CDH12: variants seen among roughly 807,000 people sequenced by gnomAD.
The protein encoded by CDH12 is cadherin-12.
Under a neutral mutation model 74.1 loss-of-function variants are expected in CDH12, and 41 were observed. The ratio of observed to expected loss-of-function variants is 0.55; its 90% confidence interval spans 0.43 to 0.72. CDH12 has a LOEUF of 0.72. Among genes scored for constraint, CDH12 ranks in the 30% least tolerant of loss-of-function variants. CDH12 has a pLI of 0.00. For synonymous variants in CDH12, 399 were observed against 355.0 expected, an observed-to-expected ratio of 1.12 and a Z score of -1.39; for missense variants, 945 against 977.2, an observed-to-expected ratio of 0.97 and a Z score of 0.44.
At chr5:22,327,692 A>G (rs1739179593) in intron 3 of CDH12, among the ~76,000 whole-genome samples, 1 of 152,080 alleles carries the variant, frequency 6.6e-6, no homozygotes. Flanking sequence ...AAGTTCTAAA[A>G]ACCTGTAACT....
Position 21,802,396 on chromosome 5 carries a change from C to A in CDH12, c.1027G>T (p.Ala343Ser), listed in dbSNP as rs2149923461. 1 of 1,613,498 alleles carries A rather than the reference C, an allele frequency of 6.2e-7. No homozygotes were observed. Residue 343 changes from alanine to serine, a missense_variant, in exon 10 of 15, where the codon GCA (alanine) becomes TCA (serine). This residue lies in a region of CDH12 where 791 missense variants were observed against 792.8 expected (regional missense o/e 1.00). Coordinates refer to ENST00000382254, the MANE Select transcript of CDH12 (RefSeq NM_004061.5). ...GAAGCCTCAACTTTGAAAGTGTATG[C>A]CTTCTTTGTTTCAAAATCTAAAGGC... Reference protein sequence around the residue: ...KKPLDFETKKAYTFKVEASNL... With the variant: ...KKPLDFETKKSYTFKVEASNL...
chr5:22,072,896 C>T (rs1742054548), intron 5 of CDH12, among the ~76,000 whole-genome samples: 1 of 152,020 alleles, frequency 6.6e-6, no homozygotes, highest in Admixed American at 6.6e-5. Flanking sequence ...TGGAGCTAGA[C>T]CACCTGGTTG....
At chr5:22,473,827 GAC>G (rs1228807114) in intron 2 of CDH12, among the ~76,000 whole-genome samples, 1 of 152,130 alleles carries the variant, frequency 6.6e-6, no homozygotes, top group African/African-American at 2.4e-5. Context: ...AAATCGGACT[GAC>G]ATTTCTCAGT....
At chr5:22,725,331 AT>A (rs1180674567) in intron 1 of CDH12, among the ~76,000 whole-genome samples, 1 of 151,870 alleles carries the variant, frequency 6.6e-6, no homozygotes, top group Non-Finnish European at 1.5e-5. Context: ...GATGAGCCAT[AT>A]TTTTCCCCTA....
intron 1 of CDH12, among the ~76,000 whole-genome samples, chr5:22,741,303 G>C (rs1745013219): frequency 6.6e-6 from 1 of 152,074 alleles, no homozygotes; most frequent in Non-Finnish European, 1.5e-5. Context: ...TAGATTCTTT[G>C]CTTTTACATT....
At chr5:22,689,450 C>T (rs1741970741) in intron 1 of CDH12, among the ~76,000 whole-genome samples, 2 of 152,076 alleles carry the variant, frequency 1.3e-5, no homozygotes, top group South Asian at 4.1e-4. Flanking sequence ...TCTTTGAAGA[C>T]TTTTCCCAAA....
rs185198854 is a variant in CDH12, at chr5:22,425,485, G to A, written c.-427-20134C>T. On this transcript the variant is annotated intron_variant, in intron 2 of 14. Transcript: ENST00000382254. ...ATATGAAGGCGGTGTGCTAAAAATA[G>A]TTTGAACTATTTTGTATTCAAACAT... Among the ~76,000 whole-genome samples, 205 of 151,694 alleles carry A rather than the reference G, an allele frequency of 1.4e-3. 1 individual carries two copies. Among genetic ancestry groups the A allele is most frequent in the Admixed American group, 9.7e-3 (148 of 15,230 alleles).
At chr5:22,393,133 C>A (rs1355794780) in intron 3 of CDH12, among the ~76,000 whole-genome samples, 1 of 152,042 alleles carries the variant, frequency 6.6e-6, no homozygotes, top group Non-Finnish European at 1.5e-5. Context: ...AGGAGATCAC[C>A]CCGGATGATT....
chr5:22,848,749 A>G (rs1737418218), intron 1 of CDH12, among the ~76,000 whole-genome samples: 1 of 152,184 alleles, frequency 6.6e-6, no homozygotes, highest in Non-Finnish European at 1.5e-5. Flanking sequence ...TTGAGTTATA[A>G]TGGAATTATG....
chr5:22,613,322 TA>T (rs1476442609), intron 1 of CDH12, among the ~76,000 whole-genome samples: 2 of 152,114 alleles, frequency 1.3e-5, no homozygotes, highest in Admixed American at 1.3e-4. Context: ...TGAATACAAA[TA>T]TAGATATTGA....
chr5:22,060,289 AG>A (rs1277898073), intron 5 of CDH12, among the ~76,000 whole-genome samples: 2 of 135,024 alleles, frequency 1.5e-5, no homozygotes, highest in Non-Finnish European at 3.1e-5. Flanking sequence ...GGGCACAGGG[AG>A]GGGAACATCA....
chr5:22,571,301 C>G (rs1396057105), intron 1 of CDH12, among the ~76,000 whole-genome samples: 1 of 151,912 alleles, frequency 6.6e-6, no homozygotes, highest in East Asian at 1.9e-4. Flanking sequence ...GTCATGCCTT[C>G]CTCACTAAGC....
intron 1 of CDH12, among the ~76,000 whole-genome samples, chr5:22,750,435 G>A (rs1343443221): frequency 6.6e-6 from 1 of 152,096 alleles, no homozygotes; most frequent in Admixed American, 6.5e-5. Context: ...GGCAAAGAAT[G>A]CAATTAGAAA....
chr5:22,460,713 A>ATTT lies in CDH12; in HGVS notation c.-428+44554_-428+44556dup, dbSNP rs3039460. On this transcript the variant is annotated intron_variant, in intron 2 of 14. Coordinates refer to ENST00000382254, the MANE Select transcript of CDH12 (RefSeq NM_004061.5). ...AGAGAACAGTTGATGATATCTAGCA[A>ATTT]TTTTTTTTTTTTTTTTTTTTTTTTT... Among the ~76,000 whole-genome samples, 322 of 85,588 alleles carry ATTT rather than the reference A, an allele frequency of 3.8e-3. 23 individuals carry two copies. The highest frequency in any genetic ancestry group is 0.012 in the African/African-American group (239 of 19,764). 56.1% of individuals were successfully genotyped at this position (85,588 alleles called of 152,430 possible). A position where few individuals can be genotyped will look rare whatever the true frequency, so the allele number is the denominator to read the frequency against.
chr5:22,802,452 T>C (rs1283113118), intron 1 of CDH12, among the ~76,000 whole-genome samples: 1 of 152,124 alleles, frequency 6.6e-6, no homozygotes, highest in African/African-American at 2.4e-5. Context: ...TAAGAGTTAG[T>C]AATTGTTTCA....
rs1045276703 is a variant in CDH12, at chr5:22,436,681, A to C, written c.-427-31330T>G. On this transcript the variant is annotated intron_variant, in intron 2 of 14. Transcript: ENST00000382254. ...CTATCAAATTTTCAAAGATTGAAGAACCATGAGTCCATGCTTTTAAGAAAA... is the reference window on the plus strand; with the variant it reads ...CTATCAAATTTTCAAAGATTGAAGACCCATGAGTCCATGCTTTTAAGAAAA... Among the ~76,000 whole-genome samples the C allele has an allele frequency of 2.6e-5, 4 of 152,124 alleles. No individual in the cohort carries two copies. The South Asian group carries it at 6.2e-4, about 24-fold the overall frequency.
chr5:22,134,898 C>T (rs1385038574), intron 4 of CDH12, among the ~76,000 whole-genome samples: 3 of 151,700 alleles, frequency 2.0e-5, no homozygotes, highest in South Asian at 2.1e-4. Context: ...CACACACTCC[C>T]CCCACCAAGC....
In CDH12 at chr5:21,863,225, A is replaced by C. The variant is rs565306273; in HGVS notation, c.527-8435T>G. Among the ~76,000 whole-genome samples, 5 of 152,190 alleles carry C rather than the reference A, an allele frequency of 3.3e-5. No individual in the cohort carries two copies. The South Asian group carries it at 1.0e-3, about 32-fold the overall frequency. Reference sequence around the variant, plus strand: ...GACTACTCACACTTATTTACTGTTTATGATGAGGCTCTTTCATGCCTCTGC... The same window carrying C: ...GACTACTCACACTTATTTACTGTTTCTGATGAGGCTCTTTCATGCCTCTGC... On this transcript the variant is annotated intron_variant, in intron 6 of 14. Coordinates refer to ENST00000382254, the MANE Select transcript of CDH12 (RefSeq NM_004061.5).
At chr5:22,181,064 A>G (rs988764974) in intron 4 of CDH12, among the ~76,000 whole-genome samples, 8 of 152,138 alleles carry the variant, frequency 5.3e-5, no homozygotes, top group Non-Finnish European at 8.8e-5. Context: ...TCTGTTGGAC[A>G]GCAGATCATC....
Sources: gnomAD v4.1 joint callset for allele counts (sites outside exome capture counted in the v4.1 genomes callset) on GRCh38, gnomAD v4.1.1 for gene constraint, gnomAD v4.1.1 regional missense constraint, MANE v1.5 for transcripts, NCBI Gene and HGNC (gene_info 2026-07-23, HGNC 2026-07-21) for gene names.